Variants in HS6ST2 observed in about 807,000 individuals in gnomAD.
The protein encoded by HS6ST2 is heparan sulfate 6-O-sulfotransferase 2, also known as heparan-sulfate 6-O-sulfotransferase 2.
A neutral mutation model predicts 33.0 loss-of-function variants in HS6ST2; 17 were observed. The ratio of observed to expected loss-of-function variants is 0.52; its 90% CI spans 0.35 to 0.77. The LOEUF is 0.77. Among genes scored for constraint, HS6ST2 ranks in the 30% least tolerant of loss-of-function variants. The pLI is 0.01. For missense variants in HS6ST2, 519 were observed against 551.7 expected, an observed-to-expected ratio of 0.94 and a Z score of 0.59; for synonymous variants, 248 against 237.1, an observed-to-expected ratio of 1.05 and a Z score of -0.42.
intron 2 of HS6ST2, among the ~76,000 whole-genome samples, chrX:132,798,665 A>G (rs1186001303): frequency 8.9e-6 from 1 of 111,946 alleles, no homozygotes; most frequent in African/African-American, 3.2e-5. Flanking sequence ...TTGAGTTTGC[A>G]TAATAAAAAG....
chrX:132,875,782 A>C (rs1341448703), intron 2 of HS6ST2, among the ~76,000 whole-genome samples: 2 of 112,385 alleles, frequency 1.8e-5, no homozygotes, highest in African/African-American at 6.5e-5. Flanking sequence ...CTAGAAGTAG[A>C]TGTTTTATTT....
chrX:132,829,753 G>A (rs1360260152), intron 2 of HS6ST2, among the ~76,000 whole-genome samples: 1 of 111,559 alleles, frequency 9.0e-6, no homozygotes, highest in Non-Finnish European at 1.9e-5. Context: ...GATGTGCAGG[G>A]TGATGGTGAA....
rs772900746 is a variant in HS6ST2, at chrX:132,958,279, G to C, written c.324C>G (p.Gly108=). Residue 108 remains glycine, a synonymous_variant, in exon 1 of 5, where the codon GGC becomes GGG. Coordinates refer to ENST00000370833, the MANE Select transcript of HS6ST2 (RefSeq NM_001394073.1). ...MHVLRRRWDL[G]SLCRALLTRG... is the part of the protein sequence containing the mutation. ...GAGTGAGCAGGGCCCGGCAGAGGGA[G>C]CCCAGGTCCCAGCGTCGCCTGAGGA... 12 of 1,190,588 alleles carry C rather than the reference G, an allele frequency of 1.0e-5. No individual in the cohort carries two copies. In the East Asian group the frequency reaches 3.0e-4, roughly 30 times the overall value.
chrX:132,856,562 T>C (rs771484675), intron 2 of HS6ST2, among the ~76,000 whole-genome samples: 19 of 111,798 alleles, frequency 1.7e-4, no homozygotes, highest in Non-Finnish European at 3.2e-4. Flanking sequence ...AGTCATTCCA[T>C]TTTTTAAAAG....
chrX:132,795,002 C>T (rs1054695193), intron 2 of HS6ST2, among the ~76,000 whole-genome samples: 5 of 110,603 alleles, frequency 4.5e-5, no homozygotes, highest in African/African-American at 1.6e-4. Flanking sequence ...GTTTGATTCC[C>T]TAAGAACCTG....
In HS6ST2 at chrX:132,944,183, G is replaced by A. The variant is rs777314392; in HGVS notation, c.947+12625C>T. ...AAGTCTCAGGATACAAAATCAATGT[G>A]CAAAAATCACAAGCATTCTTATACA... On this transcript the variant is annotated intron_variant, in intron 2 of 4. Transcript: ENST00000370833. 8.1e-5 allele frequency among the ~76,000 whole-genome samples: 9 copies of A among 111,681 alleles called. No individual in the cohort carries two copies. The South Asian group carries it at 3.4e-3, about 42-fold the overall frequency.
intron 3 of HS6ST2, among the ~76,000 whole-genome samples, chrX:132,704,220 CA>C (rs1220720086): frequency 1.8e-5 from 2 of 112,182 alleles, no homozygotes; most frequent in Non-Finnish European, 3.8e-5. Flanking sequence ...GTTTCTTAAA[CA>C]AAACACTGAA....
chrX:132,878,384 T>C (rs756173381), intron 2 of HS6ST2, among the ~76,000 whole-genome samples: 5 of 111,940 alleles, frequency 4.5e-5, no homozygotes. Flanking sequence ...CCTGTGCAGG[T>C]TCCCTTATCT....
chrX:132,905,611 A>G (rs1413821659), intron 2 of HS6ST2, among the ~76,000 whole-genome samples: 1 of 111,950 alleles, frequency 8.9e-6, no homozygotes, highest in African/African-American at 3.2e-5. Context: ...ACAAAGTCTT[A>G]TTTATTATAG....
intron 2 of HS6ST2, among the ~76,000 whole-genome samples, chrX:132,773,047 T>G (rs1602660790): frequency 1.1e-5 from 1 of 94,257 alleles, no homozygotes; most frequent in South Asian, 4.5e-4. Context: ...GTTTATATAT[T>G]ATAATGTATT....
At chrX:132,855,169 G>A (rs1022389557) in intron 2 of HS6ST2, among the ~76,000 whole-genome samples, 7 of 111,761 alleles carry the variant, frequency 6.3e-5, no homozygotes, top group African/African-American at 2.3e-4. Flanking sequence ...GAACCTCTTC[G>A]ATAGCTCTTC....
intron 4 of HS6ST2, among the ~76,000 whole-genome samples, chrX:132,642,907 T>C (rs1055418845): frequency 8.9e-6 from 1 of 112,396 alleles, no homozygotes; most frequent in African/African-American, 3.2e-5. Flanking sequence ...CAACTGTGTT[T>C]CCCCTTTAAG....
intron 4 of HS6ST2, among the ~76,000 whole-genome samples, chrX:132,662,321 T>A (rs1029270462): frequency 1.8e-5 from 2 of 110,919 alleles, no homozygotes; most frequent in Non-Finnish European, 3.8e-5. Flanking sequence ...TGGAAAAAAA[T>A]AGCATACTGT....
chrX:132,656,011 G>A (rs983698439), intron 4 of HS6ST2, among the ~76,000 whole-genome samples: 21 of 111,300 alleles, frequency 1.9e-4, no homozygotes, highest in Non-Finnish European at 3.6e-4. Flanking sequence ...CTAGCACAGA[G>A]GCCAGTTTAA....
At chrX:132,839,563 G>A (rs1054557454) in intron 2 of HS6ST2, among the ~76,000 whole-genome samples, 1 of 108,783 alleles carries the variant, frequency 9.2e-6, no homozygotes, top group African/African-American at 3.3e-5. Context: ...TGTGGGAAGG[G>A]GTTGAGGGAT....
chrX:132,891,325 C>T (rs2066307786), intron 2 of HS6ST2, among the ~76,000 whole-genome samples: 1 of 73,576 alleles, frequency 1.4e-5, no homozygotes, highest in Non-Finnish European at 2.5e-5. Flanking sequence ...GTTTCCTTAT[C>T]CAAATGTTTA....
chrX:132,735,963 C>G (rs193058931), intron 2 of HS6ST2, among the ~76,000 whole-genome samples: 33 of 111,310 alleles, frequency 3.0e-4, no homozygotes, highest in Non-Finnish European at 5.1e-4. Context: ...CCTCAGCCTC[C>G]TGAGTAGCTG....
chrX:132,880,844 T>C (rs1266381707), intron 2 of HS6ST2, among the ~76,000 whole-genome samples: 2 of 104,135 alleles, frequency 1.9e-5, no homozygotes, highest in Non-Finnish European at 3.9e-5. Context: ...GTACTCATTG[T>C]TCAATTCCCA....
intron 2 of HS6ST2, among the ~76,000 whole-genome samples, chrX:132,732,551 T>G (rs1261695724): frequency 9.0e-6 from 1 of 111,320 alleles, no homozygotes; most frequent in Admixed American, 9.5e-5. Flanking sequence ...TGGAGATAAT[T>G]GAATCATGGG....
Sources: gnomAD v4.1 joint callset for allele counts (sites outside exome capture counted in the v4.1 genomes callset) on GRCh38, gnomAD v4.1.1 for gene constraint, MANE v1.5 for transcripts, NCBI Gene and HGNC (gene_info 2026-07-23, HGNC 2026-07-21) for gene names.